Variants in RPAP2 observed in about 807,000 individuals in gnomAD.
RPAP2 encodes the protein RNA polymerase II associated protein 2, also known as putative RNA polymerase II subunit B1 CTD phosphatase RPAP2.
A neutral mutation model predicts 73.1 loss-of-function variants in RPAP2; 52 were observed. The ratio of observed to expected loss-of-function variants is 0.71; its 90% CI spans 0.57 to 0.90. RPAP2 has a LOEUF of 0.90. Ranked by LOEUF, RPAP2 falls within the 40% of genes least tolerant of loss-of-function variation. RPAP2 has a pLI of 0.00. For missense variants in RPAP2, 598 were observed against 701.8 expected, an observed-to-expected ratio of 0.85 and a Z score of 1.67; for synonymous variants, 225 against 242.1, an observed-to-expected ratio of 0.93 and a Z score of 0.65.
In RPAP2 at chr1:92,340,074, G is replaced by C. The variant is rs1223366772; in HGVS notation, c.1619+3647G>C. Among the ~76,000 whole-genome samples, 4 of 152,212 alleles carry C rather than the reference G, an allele frequency of 2.6e-5. No homozygotes were observed. In the East Asian group the frequency reaches 7.7e-4, roughly 29 times the overall value. Reference sequence around the variant, plus strand: ...ATATATGTTTGAAATTTAATAAAAAGCTTTGGGAAAATAAGCCCAAAAAAG... The same window carrying C: ...ATATATGTTTGAAATTTAATAAAAACCTTTGGGAAAATAAGCCCAAAAAAG... On this transcript the variant is annotated intron_variant, in intron 10 of 12. Coordinates refer to ENST00000610020, the MANE Select transcript of RPAP2 (RefSeq NM_024813.3).
intron 11 of RPAP2, among the ~76,000 whole-genome samples, chr1:92,360,041 C>T (rs986711976): frequency 1.3e-5 from 2 of 152,178 alleles, no homozygotes; most frequent in Admixed American, 1.3e-4. Flanking sequence ...GAAATAGGCT[C>T]TGTAAAAACA....
At chr1:92,377,059 T>C (rs1437465609) in intron 11 of RPAP2, among the ~76,000 whole-genome samples, 3 of 152,318 alleles carry the variant, frequency 2.0e-5, no homozygotes, top group East Asian at 3.9e-4. Context: ...TAACCAATAC[T>C]ATAATTGATA....
Position 92,299,139 on chromosome 1 carries a change from A to T in RPAP2, c.66A>T (p.Lys22Asn). The T allele has an allele frequency of 6.6e-7, 1 of 1,515,212 alleles. No homozygotes were observed. Among genetic ancestry groups the T allele is most frequent in the Non-Finnish European group, 8.9e-7 (1 of 1,127,424 alleles). The allele number at this position is 1,515,212 out of a possible 1,614,324, so 93.9% of individuals were successfully genotyped here. A position where few individuals can be genotyped will look rare whatever the true frequency, so the allele number is the denominator to read the frequency against. ...CCGGGGCTCCCCGCTGCTCTCGAAA[A>T]GCCGCAGGTAGGAGCAAGGATCTCT... ...RKAGAPRCSR[K>N]AAGTKQTSTL... Residue 22 changes from lysine to asparagine, a missense_variant, in exon 1 of 13, where the codon AAA becomes AAT. By Grantham distance (94) the Lys-to-Asn change is moderately conservative (BLOSUM62 0). This residue lies in a region of RPAP2 where 77 missense variants were observed against 55.7 expected (regional missense o/e 1.38). Coordinates refer to ENST00000610020, the MANE Select transcript of RPAP2 (RefSeq NM_024813.3).
intron 6 of RPAP2, among the ~76,000 whole-genome samples, chr1:92,308,339 ACT>A (rs1392646726): frequency 1.3e-5 from 2 of 150,026 alleles, no homozygotes; most frequent in African/African-American, 5.0e-5. Context: ...AAAATAAAAG[ACT>A]CTGGCATTGT....
rs1210584160 is a variant in RPAP2, at chr1:92,393,840, G to A, written c.*6829G>A. On this transcript the variant is annotated 3_prime_UTR_variant, in exon 13 of 13. Transcript: ENST00000610020. ...ATCAGGAAACAATAGATGCTGGAGAGGTTGTGGAAAAATTGGAACGCTTTT... is the reference window on the plus strand; with the variant it reads ...ATCAGGAAACAATAGATGCTGGAGAAGTTGTGGAAAAATTGGAACGCTTTT... The A allele has an allele frequency of 1.3e-5, 2 of 152,198 alleles. No individual in the cohort carries two copies. The highest frequency in any genetic ancestry group is 4.8e-5 in the African/African-American group (2 of 41,442). 9.4% of individuals were successfully genotyped at this position (152,198 alleles called of 1,614,324 possible).
rs892731854 is a variant in RPAP2, at chr1:92,392,964, G to A, written c.*5953G>A. ...CAAGCTACCACTAACTTTCTTCACA[G>A]AATTGGAAAAAACTACTTTAAGATT... On this transcript the variant is annotated 3_prime_UTR_variant, in exon 13 of 13. Coordinates refer to ENST00000610020, the MANE Select transcript of RPAP2 (RefSeq NM_024813.3). The A allele has an allele frequency of 5.9e-5, 9 of 152,174 alleles. No homozygotes were observed. Among genetic ancestry groups the A allele is most frequent in the African/African-American group, 2.2e-4 (9 of 41,502 alleles). 9.4% of individuals were successfully genotyped at this position (152,174 alleles called of 1,614,324 possible). A position where few individuals can be genotyped will look rare whatever the true frequency, so the allele number is the denominator to read the frequency against.
chr1:92,303,713 T>C (rs1651020889), intron 3 of RPAP2, among the ~76,000 whole-genome samples: 1 of 152,224 alleles, frequency 6.6e-6, no homozygotes, highest in Admixed American at 6.5e-5. Flanking sequence ...AATTATTTCA[T>C]TTAACTATAT....
chr1:92,362,489 CTTTGAATGAGTTTGGGAT>C (rs1219686822), intron 11 of RPAP2, among the ~76,000 whole-genome samples: 1 of 152,144 alleles, frequency 6.6e-6, no homozygotes. Context: ...CCACCATTCG[CTTTGAATGAGTTTGGGAT>C]TTGGCTGTTT....
chr1:92,307,148 CATG>C (rs1651297459), intron 5 of RPAP2, 37 bp from the exon 6 acceptor site: 2 of 1,393,622 alleles, frequency 1.4e-6, no homozygotes, highest in East Asian at 4.6e-5. Flanking sequence ...GGTAATGTTT[CATG>C]ATAAGAAAAA....
intron 12 of RPAP2, among the ~76,000 whole-genome samples, chr1:92,386,365 G>A (rs1204530849): frequency 6.6e-6 from 1 of 152,162 alleles, no homozygotes; most frequent in African/African-American, 2.4e-5. Context: ...TACTGCCTTG[G>A]TGAGAGTCTT....
chr1:92,370,270 T>C (rs1303914300), intron 11 of RPAP2, among the ~76,000 whole-genome samples: 3 of 152,184 alleles, frequency 2.0e-5, no homozygotes, highest in African/African-American at 7.2e-5. Flanking sequence ...ACAATATTTA[T>C]ATTATGGGGC....
intron 11 of RPAP2, among the ~76,000 whole-genome samples, chr1:92,355,427 G>A (rs960490730): frequency 2.0e-5 from 3 of 152,042 alleles, no homozygotes; most frequent in Admixed American, 6.6e-5. Context: ...GTTTTCATGC[G>A]ATATATCAAA....
Position 92,323,890 on chromosome 1 carries a change from A to T in RPAP2, c.970A>T (p.Ile324Leu). The T allele has an allele frequency of 6.2e-7, 1 of 1,614,172 alleles. No individual in the cohort carries two copies. The highest frequency in any genetic ancestry group is 8.5e-7 in the Non-Finnish European group (1 of 1,179,998). ...TGAAAGTGAATACAGTAGGTCAGAAATAACTCTAGTAGGCATAAGTAAGAA... is the reference window on the plus strand; with the variant it reads ...TGAAAGTGAATACAGTAGGTCAGAATTAACTCTAGTAGGCATAAGTAAGAA... ...NSESEYSRSE[I>L]TLVGISKKSA... The change falls in exon 8 of 13, where the codon ATA becomes TTA. Residue 324 changes from isoleucine (I) to leucine (L), a missense_variant. Around this residue, in one of 3 missense-constraint regions of RPAP2, gnomAD observed 506 missense variants for 612.8 expected, o/e 0.83. Coordinates refer to ENST00000610020, the MANE Select transcript of RPAP2 (RefSeq NM_024813.3).
intron 10 of RPAP2, among the ~76,000 whole-genome samples, chr1:92,342,687 G>A (rs998584329): frequency 2.0e-5 from 3 of 152,196 alleles, no homozygotes; most frequent in African/African-American, 7.2e-5. Flanking sequence ...GAAAGCAGTG[G>A]AGGTAATAAG....
At position 92,336,363 on chromosome 1, in the gene RPAP2, G is replaced by A; in HGVS notation, c.1555G>A (p.Val519Ile). Residue 519 changes from valine to isoleucine, a missense_variant, in exon 10 of 13, where the codon GTT becomes ATT. By Grantham distance (29) the Val-to-Ile change is conservative. Around this residue, in one of 3 missense-constraint regions of RPAP2, gnomAD observed 506 missense variants for 612.8 expected, o/e 0.83. Coordinates refer to ENST00000610020, the MANE Select transcript of RPAP2 (RefSeq NM_024813.3). ...AATTTTCAGGTTGCCTGGGCTTCTG[G>A]TTCCTCTTCAGATTACATTGGGAGA... ...KLSKVLPGLL[V>I]PLQITLGDIY... 1 of 1,608,240 alleles carries A rather than the reference G, an allele frequency of 6.2e-7. No homozygotes were observed. Among genetic ancestry groups the A allele is most frequent in the African/African-American group, 1.3e-5 (1 of 74,762 alleles).
intron 10 of RPAP2, among the ~76,000 whole-genome samples, chr1:92,338,653 T>TA (rs1428648334): frequency 6.6e-6 from 1 of 151,456 alleles, no homozygotes; most frequent in Non-Finnish European, 1.5e-5. Flanking sequence ...CATTGATTTT[T>TA]TTTTTTTTTT....
At position 92,307,038 on chromosome 1, in the gene RPAP2, AG is replaced by A. The variant is rs1651289063; in HGVS notation, c.400-148del. 7 of 587,380 alleles carry A rather than the reference AG, an allele frequency of 1.2e-5. No homozygotes were observed. The Admixed American group carries it at 2.4e-4, about 20-fold the overall frequency. 36.4% of individuals were successfully genotyped at this position (587,380 alleles called of 1,614,324 possible). A position where few individuals can be genotyped will look rare whatever the true frequency, so the allele number is the denominator to read the frequency against. On this transcript the variant is annotated intron_variant, in intron 5 of 12. Transcript: ENST00000610020. Reference sequence around the variant, plus strand: ...GGAAGGGGCACATAGAGGCCTTCAAAGGTTCAGTATCTTATTTCTTACCTTG... The same window carrying A: ...GGAAGGGGCACATAGAGGCCTTCAAAGTTCAGTATCTTATTTCTTACCTTG...
intron 7 of RPAP2, among the ~76,000 whole-genome samples, chr1:92,321,195 G>A (rs540371513): frequency 4.6e-5 from 7 of 152,252 alleles, no homozygotes; most frequent in Admixed American, 1.3e-4. Context: ...GCACAAATAA[G>A]AGATATTTAT....
At chr1:92,302,309 A>C (rs1431974543) in intron 3 of RPAP2, among the ~76,000 whole-genome samples, 2 of 151,456 alleles carry the variant, frequency 1.3e-5, no homozygotes. Flanking sequence ...AATGGGAAAA[A>C]AGAAAAATGA....
Sources: gnomAD v4.1 joint callset for allele counts (sites outside exome capture counted in the v4.1 genomes callset) on GRCh38, gnomAD v4.1.1 for gene constraint, gnomAD v4.1.1 regional missense constraint, MANE v1.5 for transcripts, NCBI Gene and HGNC (gene_info 2026-07-23, HGNC 2026-07-21) for gene names.